Variants in CYP2J2 observed in about 807,000 individuals in gnomAD.
The protein encoded by CYP2J2 is cytochrome P450 family 2 subfamily J member 2.
In CYP2J2, 41 loss-of-function variants were observed where a neutral mutation model predicts 48.8. The ratio of observed to expected loss-of-function variants is 0.84; its 90% CI spans 0.66 to 1.09. The LOEUF is 1.09. CYP2J2 is among the 50% of genes least tolerant of loss of function. The probability of loss-of-function intolerance (pLI) is 0.00; values close to 1 mark genes in which losing one functional copy is unlikely to be tolerated. For synonymous variants in CYP2J2, 221 were observed against 227.1 expected, an observed-to-expected ratio of 0.97 and a Z score of 0.24; for missense variants, 644 against 617.3, an observed-to-expected ratio of 1.04 and a Z score of -0.46.
rs1223482701 is a variant in CYP2J2 at position 59,923,283 on chromosome 1, C to A, written c.210+3254G>T. Among the ~76,000 whole-genome samples the A allele has an allele frequency of 2.0e-5, 3 of 152,324 alleles. No individual in the cohort carries two copies. In the East Asian group the frequency reaches 5.8e-4, roughly 29 times the overall value. On this transcript the variant is annotated intron_variant, in intron 1 of 8. Transcript: ENST00000371204. ...AGCACTGCAGAGGCTTTATAACCTG[C>A]ATTGATATTTGAACTGCCACCCACA... is the stretch of plus-strand genomic sequence containing the variant.
At chr1:59,952,516 G>A in the CYP2J2 span, among the ~76,000 whole-genome samples, 76 of 152,174 alleles carry the variant, frequency 5.0e-4, no homozygotes, top group Non-Finnish European at 9.9e-4. Flanking sequence ...TCTAATTGGT[G>A]TTGGAGGCAG....
chr1:59,926,453 C>A, intron 1 of CYP2J2, 84 bp downstream of exon 1: 5 of 1,191,540 alleles, frequency 4.2e-6, no homozygotes, highest in Non-Finnish European at 3.8e-6. Context: ...TCATCCCCCA[C>A]CCCACCCACG....
chr1:59,935,038 A>G, the CYP2J2 span, among the ~76,000 whole-genome samples: 2 of 112,080 alleles, frequency 1.8e-5, no homozygotes, highest in Admixed American at 8.9e-5. Context: ...ATATATATAT[A>G]TATATATATA....
At chr1:59,917,611 A>T (rs1453811559) in intron 1 of CYP2J2, among the ~76,000 whole-genome samples, 2 of 152,124 alleles carry the variant, frequency 1.3e-5, no homozygotes, top group Non-Finnish European at 2.9e-5. Flanking sequence ...AGAATGAGTG[A>T]GAGTGAGAGA....
At chr1:59,928,542 G>A (rs1644587524), upstream of CYP2J2, among the ~76,000 whole-genome samples, 1 of 152,132 alleles carries the variant, frequency 6.6e-6, no homozygotes, top group African/African-American at 2.4e-5. Context: ...ATCTCCCTGA[G>A]ATGGAAAAAC....
upstream of CYP2J2, among the ~76,000 whole-genome samples, chr1:59,928,740 G>A (rs1474033517): frequency 6.6e-6 from 1 of 152,202 alleles, no homozygotes; most frequent in Admixed American, 6.5e-5. Context: ...GTTCCACACT[G>A]GGAGAGGTTA....
Position 59,893,562 on chromosome 1 carries a change from T to C in CYP2J2, c.*89A>G. 2.1e-6 allele frequency: 2 copies of C among 967,986 alleles called. No homozygotes were observed. The highest frequency in any genetic ancestry group is 3.4e-4 in the Middle Eastern group (1 of 2,956). 60.0% of individuals were successfully genotyped at this position (967,986 alleles called of 1,614,324 possible). A position where few individuals can be genotyped will look rare whatever the true frequency, so the allele number is the denominator to read the frequency against. On this transcript the variant is annotated 3_prime_UTR_variant, in exon 9 of 9. Coordinates refer to ENST00000371204, the MANE Select transcript of CYP2J2 (RefSeq NM_000775.4). ...ATCTTTCTTGAAAGTCACTTTCATTTTGTCCCAACACATCTGAGCAGACAC... is the reference window on the plus strand; with the variant it reads ...ATCTTTCTTGAAAGTCACTTTCATTCTGTCCCAACACATCTGAGCAGACAC...
chr1:59,944,153 A>G, the CYP2J2 span, among the ~76,000 whole-genome samples: 1 of 152,234 alleles, frequency 6.6e-6, no homozygotes, highest in Non-Finnish European at 1.5e-5. Context: ...TGTCTCATAC[A>G]ATGAGCATTG....
chr1:59,919,816 C>T (rs1289148304), intron 1 of CYP2J2, among the ~76,000 whole-genome samples: 6 of 152,136 alleles, frequency 3.9e-5, no homozygotes, highest in African/African-American at 9.7e-5. Context: ...CTTGGGGCTG[C>T]GCTGGTTTCT....
chr1:59,949,126 C>T, the CYP2J2 span, among the ~76,000 whole-genome samples: 2 of 152,146 alleles, frequency 1.3e-5, no homozygotes, highest in Non-Finnish European at 2.9e-5. Context: ...CCAACTCCTC[C>T]TTCTACCCTG....
chr1:59,963,723 T>C, the CYP2J2 span, among the ~76,000 whole-genome samples: 1 of 151,990 alleles, frequency 6.6e-6, no homozygotes, highest in East Asian at 1.9e-4. Flanking sequence ...AAATTGGGAG[T>C]CAGGCGGCCT....
At chr1:59,902,014 C>G (rs372420136) in intron 7 of CYP2J2, among the ~76,000 whole-genome samples, 1 of 152,188 alleles carries the variant, frequency 6.6e-6, no homozygotes, top group Admixed American at 6.5e-5. Flanking sequence ...CTACTCTCCC[C>G]CTCTGCCTGC....
At chr1:59,916,773 T>C (rs1454415752) in intron 1 of CYP2J2, among the ~76,000 whole-genome samples, 1 of 152,048 alleles carries the variant, frequency 6.6e-6, no homozygotes, top group Non-Finnish European at 1.5e-5. Context: ...ACCCCAAGCA[T>C]CCTAGAGTCT....
intron 6 of CYP2J2, among the ~76,000 whole-genome samples, chr1:59,907,451 G>C (rs1432393077): frequency 1.3e-5 from 2 of 152,114 alleles, no homozygotes; most frequent in East Asian, 3.8e-4. Context: ...AAATTGGAAG[G>C]CATCACTTAA....
intron 5 of CYP2J2, 125 bp from the exon 6 acceptor site, chr1:59,908,052 C>T (rs950104241): frequency 5.5e-6 from 5 of 906,132 alleles, no homozygotes; most frequent in Middle Eastern, 2.7e-4. Context: ...AAACAATTTT[C>T]CCTTTGGCCT....
At chr1:59,938,534 A>G in the CYP2J2 span, among the ~76,000 whole-genome samples, 5 of 152,386 alleles carry the variant, frequency 3.3e-5, no homozygotes, top group African/African-American at 1.2e-4. Flanking sequence ...GTAAAGAGTA[A>G]CAAAGCAGCA....
chr1:59,956,095 G>A, the CYP2J2 span, among the ~76,000 whole-genome samples: 1 of 152,102 alleles, frequency 6.6e-6, no homozygotes, highest in Non-Finnish European at 1.5e-5. Context: ...TATATAGGGA[G>A]AAAGTGAATG....
the CYP2J2 span, among the ~76,000 whole-genome samples, chr1:59,960,002 T>A: frequency 6.6e-6 from 1 of 152,060 alleles, no homozygotes; most frequent in Non-Finnish European, 1.5e-5. Context: ...CTGAAGAACT[T>A]ATCCATGTAG....
chr1:59,937,248 G>A, the CYP2J2 span, among the ~76,000 whole-genome samples: 2 of 152,166 alleles, frequency 1.3e-5, no homozygotes, highest in South Asian at 4.1e-4. Context: ...ACATTAAAAT[G>A]GCAAGCATCT....
Sources: allele counts gnomAD v4.1 joint callset (sites outside exome capture counted in the v4.1 genomes callset), GRCh38; gene constraint gnomAD v4.1.1; transcripts MANE v1.5; gene names NCBI Gene and HGNC (gene_info 2026-07-23, HGNC 2026-07-21).